SERPINB5: variants seen among roughly 807,000 people sequenced by gnomAD.
SERPINB5 encodes the protein serpin family B member 5, also known as serpin B5.
Under a neutral mutation model 32.2 loss-of-function variants are expected in SERPINB5, and 27 were observed. The ratio of observed to expected loss-of-function variants is 0.84; its 90% CI spans 0.62 to 1.16. The LOEUF is 1.16. SERPINB5 is among the 50% of genes most tolerant of loss of function. The pLI is 0.00. For missense variants in SERPINB5, 388 were observed against 436.3 expected (o/e 0.89, Z 0.99); for synonymous variants, 154 against 157.4 (o/e 0.98, Z 0.16).
Position 63,494,089 on chromosome 18 carries a change from C to T in SERPINB5, c.567+994C>T, listed in dbSNP as rs551547478. On this transcript the variant is annotated intron_variant, in intron 5 of 6. Transcript: ENST00000382771. ...CTGTAATCCCAGCACCTTGGGAAGTCGAGGCAGGCAGATCACGAGGTCAGG... is the reference window on the plus strand; with the variant it reads ...CTGTAATCCCAGCACCTTGGGAAGTTGAGGCAGGCAGATCACGAGGTCAGG... Among the ~76,000 whole-genome samples the T allele has an allele frequency of 2.7e-3, 412 of 151,636 alleles. 1 individual carries two copies. The highest frequency in any genetic ancestry group is 8.9e-3 in the African/African-American group (370 of 41,378).
rs923595517 is a variant in SERPINB5, at chr18:63,498,365, C to T, written c.568-755C>T. ...GTGCAGGATTACAGGCATGAGGCAC[C>T]GTGCCCAGCCAGTTTTTGAAATTAG... On this transcript the variant is annotated intron_variant, in intron 5 of 6. Transcript: ENST00000382771. This position sits in a 1 kb window ranked among gnomAD's most constrained non-coding sequence, Gnocchi z 4.2. Among the ~76,000 whole-genome samples, 3 of 152,082 alleles carry T rather than the reference C, an allele frequency of 2.0e-5. No homozygotes were observed. Among genetic ancestry groups the T allele is most frequent in the South Asian group, 2.1e-4 (1 of 4,828 alleles).
At chr18:63,477,967 C>T (rs943164005) in intron 1 of SERPINB5, among the ~76,000 whole-genome samples, 8 of 152,264 alleles carry the variant, frequency 5.3e-5, no homozygotes, top group Middle Eastern at 3.4e-3. Context: ...ACTTGCAGCT[C>T]GGGATGTTTC....
chr18:63,490,777 A>C (rs993317983), intron 4 of SERPINB5: 1 of 152,192 alleles, frequency 6.6e-6, no homozygotes, highest in Non-Finnish European at 1.5e-5. Flanking sequence ...AATTTACTGA[A>C]CTGTAAAATG....
chr18:63,486,925 A>G, intron 2 of SERPINB5, 21 bp from the exon 3 acceptor site: 5 of 1,612,498 alleles, frequency 3.1e-6, no homozygotes, highest in Non-Finnish European at 4.2e-6. Flanking sequence ...CTTTTTGGGT[A>G]ACGGATTTTT....
At chr18:63,502,094 A>G (rs897108813) in intron 6 of SERPINB5, among the ~76,000 whole-genome samples, 1 of 151,884 alleles carries the variant, frequency 6.6e-6, no homozygotes, top group Non-Finnish European at 1.5e-5. Flanking sequence ...TTTCTTCTTA[A>G]AGTATAGAAC....
intron 6 of SERPINB5, 23 bp from the exon 7 acceptor site, chr18:63,503,307 T>G (rs201910101): frequency 6.3e-7 from 1 of 1,590,790 alleles, no homozygotes; most frequent in African/African-American, 1.4e-5. Flanking sequence ...TAAAAATAAT[T>G]TCTTTTCATT....
intron 5 of SERPINB5, chr18:63,497,499 G>GGAAAAAA (rs74169971): frequency 2.5e-4 from 56 of 223,688 alleles, no homozygotes; most frequent in Middle Eastern, 1.5e-3. Flanking sequence ...CAACGTTTCT[G>GGAAAAAA]AAAAAAAAAA....
intron 1 of SERPINB5, chr18:63,477,285 C>G (rs1018606795): frequency 6.6e-6 from 1 of 152,114 alleles, no homozygotes. Context: ...ATCACTTAAC[C>G]ATACAAGGTA....
At chr18:63,495,800 A>C (rs1599392473) in intron 5 of SERPINB5, among the ~76,000 whole-genome samples, 1 of 152,370 alleles carries the variant, frequency 6.6e-6, no homozygotes, top group East Asian at 1.9e-4. Flanking sequence ...TTGATCTCTC[A>C]GTGTTTCACT....
chr18:63,489,378 C>T lies in SERPINB5; in HGVS notation c.338C>T (p.Ala113Val), dbSNP rs765501008. ...ATCAGCTCTACGAAGAGACCGTATG[C>T]AAAGGAATTGGAAACTGTTGACTTC... Reference protein sequence around the residue: ...EFISSTKRPYAKELETVDFKD... With the variant: ...EFISSTKRPYVKELETVDFKD... Residue 113 changes from alanine (A) to valine (V), a missense_variant, in exon 4 of 7, where the codon GCA becomes GTA. Coordinates refer to ENST00000382771, the MANE Select transcript of SERPINB5 (RefSeq NM_002639.5). The T allele has an allele frequency of 1.9e-6, 3 of 1,612,368 alleles. No homozygotes were observed. Among genetic ancestry groups the T allele is most frequent in the Non-Finnish European group, 2.5e-6 (3 of 1,179,014 alleles).
rs1909505707 is a variant in SERPINB5 at position 63,498,846 on chromosome 18, T to TATATATATATATATATA, written c.568-274_568-273insATATATATATATATATA. Among the ~76,000 whole-genome samples the TATATATATATATATATA allele has an allele frequency of 5.6e-5, 6 of 107,748 alleles. No individual in the cohort carries two copies. In the South Asian group the frequency reaches 1.3e-3, roughly 22 times the overall value. The allele number at this position is 107,748 out of a possible 152,430, so 70.7% of individuals were successfully genotyped here. A position where few individuals can be genotyped will look rare whatever the true frequency, so the allele number is the denominator to read the frequency against. Reference sequence around the variant, plus strand: ...ATGTATGGGGTATATATATATAGTATGTATATATAAGTGTGTATATATAGG... The same window carrying TATATATATATATATATA: ...ATGTATGGGGTATATATATATAGTATATATATATATATATATAGTATATATAAGTGTGTATATATAGG... On this transcript the variant is annotated intron_variant, in intron 5 of 6. Transcript: ENST00000382771. This position sits in a 1 kb window ranked among gnomAD's most constrained non-coding sequence, Gnocchi z 4.2.
chr18:63,494,738 T>G lies in SERPINB5; in HGVS notation c.567+1643T>G, dbSNP rs139954550. ...TTCTTTGTTCCCATGGAATTTTTAT[T>G]CATACTCTCCCCTGTCCACTGCCAG... On this transcript the variant is annotated intron_variant, in intron 5 of 6. Transcript: ENST00000382771. Among the ~76,000 whole-genome samples, 1,326 of 152,294 alleles carry G rather than the reference T, an allele frequency of 8.7e-3. 14 individuals carry two copies. The highest frequency in any genetic ancestry group is 0.03 in the African/African-American group (1,232 of 41,538).
In SERPINB5 at chr18:63,503,689, C is replaced by A. The variant is rs1568113685; in HGVS notation, c.1095C>A (p.Asn365Lys). ...TCATCAGGCACAACAAAACTCGAAA[C>A]ATTATTTTCTTTGGCAAATTCTGTT... ...IYIIRHNKTR[N>K]IIFFGKFCSP Residue 365 changes from asparagine (N) to lysine (K), a missense_variant, in exon 7 of 7, where the codon AAC (asparagine) becomes AAA (lysine). Asn to Lys is a moderately conservative substitution (Grantham distance 94, BLOSUM62 0). Coordinates refer to ENST00000382771, the MANE Select transcript of SERPINB5 (RefSeq NM_002639.5). 2 of 1,614,188 alleles carry A rather than the reference C, an allele frequency of 1.2e-6. No homozygotes were observed. Among genetic ancestry groups the A allele is most frequent in the Non-Finnish European group, 1.7e-6 (2 of 1,180,032 alleles).
chr18:63,490,026 A>G (rs1416598466), intron 4 of SERPINB5, among the ~76,000 whole-genome samples: 2 of 151,952 alleles, frequency 1.3e-5, no homozygotes, highest in African/African-American at 2.4e-5. Context: ...CCCTGTCTCT[A>G]CTAAAAATAC....
intron 6 of SERPINB5, among the ~76,000 whole-genome samples, chr18:63,501,210 C>G (rs1909565543): frequency 8.0e-6 from 1 of 124,910 alleles, no homozygotes; most frequent in Non-Finnish European, 1.6e-5. Context: ...CACCCCACAA[C>G]AGGCCCTGGT....
At chr18:63,502,222 G>A (rs1455917987) in intron 6 of SERPINB5, among the ~76,000 whole-genome samples, 14 of 149,498 alleles carry the variant, frequency 9.4e-5, no homozygotes, top group Admixed American at 6.1e-4. Flanking sequence ...TGCAAGCTCC[G>A]CCTCCTGGGT....
chr18:63,486,548 C>T (rs1371022853), intron 2 of SERPINB5: 1 of 160,654 alleles, frequency 6.2e-6, no homozygotes, highest in Non-Finnish European at 1.4e-5. Flanking sequence ...GTATTAAGGG[C>T]ATCACTTTGA....
At chr18:63,501,421 G>A (rs9947022) in intron 6 of SERPINB5, among the ~76,000 whole-genome samples, 60,681 of 151,738 alleles carry the variant, frequency 0.4, 13,035 homozygotes, top group Non-Finnish European at 0.49. Flanking sequence ...TATGGGCCAC[G>A]TTTTCTTAAT....
chr18:63,503,791 A>T lies in SERPINB5; in HGVS notation c.*69A>T. ...GCCGATTTCTGTAAACTCTGCATCC[A>T]GAGATTCATTTTCTAGATACAATAA... On this transcript the variant is annotated 3_prime_UTR_variant, in exon 7 of 7. Coordinates refer to ENST00000382771, the MANE Select transcript of SERPINB5 (RefSeq NM_002639.5). The T allele has an allele frequency of 6.7e-7, 1 of 1,481,616 alleles. No homozygotes were observed. Among genetic ancestry groups the T allele is most frequent in the Non-Finnish European group, 9.3e-7 (1 of 1,077,022 alleles). The allele number at this position is 1,481,616 out of a possible 1,614,324, so 91.8% of individuals were successfully genotyped here. A position where few individuals can be genotyped will look rare whatever the true frequency, so the allele number is the denominator to read the frequency against.
Sources: gnomAD v4.1 joint callset for allele counts (sites outside exome capture counted in the v4.1 genomes callset) on GRCh38, gnomAD v4.1.1 for gene constraint, Gnocchi (gnomAD v3.1) non-coding constraint, MANE v1.5 for transcripts, NCBI Gene and HGNC (gene_info 2026-07-23, HGNC 2026-07-21) for gene names.